FAIM: variants seen among roughly 807,000 people sequenced by gnomAD.
The protein encoded by FAIM is fas apoptotic inhibitory molecule 1.
FAIM carries 14 observed loss-of-function variants against 21.2 expected under a neutral mutation model. The ratio of observed to expected loss-of-function variants is 0.66; its 90% CI spans 0.44 to 1.03. FAIM has a LOEUF of 1.03. Among genes scored for constraint, FAIM ranks in the 50% least tolerant of loss-of-function variants. The probability of loss-of-function intolerance (pLI) is 0.00; values close to 1 mark genes in which losing one functional copy is unlikely to be tolerated. For synonymous variants in FAIM, 86 were observed against 80.4 expected (o/e 1.07, Z -0.37); for missense variants, 222 against 247.1 (o/e 0.90, Z 0.68).
At chr3:138,611,698 G>C (rs1263636182) in intron 1 of FAIM, among the ~76,000 whole-genome samples, 2 of 152,072 alleles carry the variant, frequency 1.3e-5, no homozygotes, top group African/African-American at 4.8e-5. Flanking sequence ...GAGGTGAATG[G>C]GTTTTTGCTC....
intron 1 of FAIM, among the ~76,000 whole-genome samples, chr3:138,612,691 A>G (rs552042924): frequency 2.0e-5 from 3 of 152,322 alleles, no homozygotes; most frequent in Non-Finnish European, 2.9e-5. Context: ...TTTTGAGTGC[A>G]TTCCTAGCAG....
At position 138,611,794 on chromosome 3, in the gene FAIM, T is replaced by C. The variant is rs549580329; in HGVS notation, c.-17+2857T>C. 1.1e-4 allele frequency among the ~76,000 whole-genome samples: 17 copies of C among 152,350 alleles called. No homozygotes were observed. The South Asian group carries it at 3.5e-3, about 32-fold the overall frequency. ...GCTTTCTCTCTGGTCACATGCTCTCTACACAGCCAGCTCTCCTTTGCCTTC... is the reference window on the plus strand; with the variant it reads ...GCTTTCTCTCTGGTCACATGCTCTCCACACAGCCAGCTCTCCTTTGCCTTC... On this transcript the variant is annotated intron_variant, in intron 1 of 5. Transcript: ENST00000360570.
intron 1 of FAIM, among the ~76,000 whole-genome samples, chr3:138,609,533 A>ACTCTCTCTCCTCTCT (rs2042728694): frequency 3.0e-4 from 1 of 3,368 alleles, no homozygotes; most frequent in African/African-American, 9.3e-4. Flanking sequence ...AAGTGCTGAA[A>ACTCTCTCTCCTCTCT]CTCTCTCTCT....
At chr3:138,610,998 A>T in intron 1 of FAIM, 1 of 1,613,934 alleles carries the variant, frequency 6.2e-7, no homozygotes, top group Non-Finnish European at 8.5e-7. Flanking sequence ...CTGTTGTGCT[A>T]TAATCATCTC....
At chr3:138,627,470 C>T (rs1433850317) in intron 4 of FAIM, among the ~76,000 whole-genome samples, 1 of 152,146 alleles carries the variant, frequency 6.6e-6, no homozygotes, top group East Asian at 1.9e-4. Context: ...CATGAGCCAC[C>T]GTGCCTGGCC....
rs550769668 is a variant in FAIM, at chr3:138,632,560, C to T, written c.457-370C>T. ...CCATCCCTGGCTGGATGCAGTGGCT[C>T]ACACCTGTAATCCCAGCACTGTGGG... On this transcript the variant is annotated intron_variant, in intron 5 of 5. Transcript: ENST00000360570. Among the ~76,000 whole-genome samples, 97 of 152,250 alleles carry T rather than the reference C, an allele frequency of 6.4e-4. 1 individual carries two copies. The highest frequency in any genetic ancestry group is 2.3e-3 in the African/African-American group (94 of 41,548).
chr3:138,621,387 G>GC lies in FAIM; in HGVS notation c.45-19dup. On this transcript the variant is annotated intron_variant, in intron 2 of 5. Transcript: ENST00000360570. ...ATTAGTATTTTGGCCTACTATAATTGCTTTATTTTATTCCTTTAGCCCTCC... is the reference window on the plus strand; with the variant it reads ...ATTAGTATTTTGGCCTACTATAATTGCCTTTATTTTATTCCTTTAGCCCTCC... The GC allele has an allele frequency of 6.2e-7, 1 of 1,611,234 alleles. No homozygotes were observed. The highest frequency in any genetic ancestry group is 8.5e-7 in the Non-Finnish European group (1 of 1,178,868).
intron 5 of FAIM, chr3:138,630,521 G>T (rs2042994616): frequency 6.6e-6 from 1 of 152,190 alleles, no homozygotes; most frequent in Non-Finnish European, 1.5e-5. Flanking sequence ...TCTGAGTCCT[G>T]AAGAATTTAA....
chr3:138,612,322 C>T lies in FAIM; in HGVS notation c.-17+3385C>T, dbSNP rs1035657042. Among the ~76,000 whole-genome samples the T allele has an allele frequency of 5.3e-5, 8 of 152,122 alleles. No homozygotes were observed. The South Asian group carries it at 1.0e-3, about 20-fold the overall frequency. Reference sequence around the variant, plus strand: ...TTCACCGTGTTAGCCAGGATGGTCTCGAACTCCTGACCTCGTGATCCGCCC... The same window carrying T: ...TTCACCGTGTTAGCCAGGATGGTCTTGAACTCCTGACCTCGTGATCCGCCC... On this transcript the variant is annotated intron_variant, in intron 1 of 5. Coordinates refer to ENST00000360570, the MANE Select transcript of FAIM (RefSeq NM_001033031.2).
At position 138,622,251 on chromosome 3, in the gene FAIM, G is replaced by A; in HGVS notation, c.241G>A (p.Ala81Thr). The A allele has an allele frequency of 6.2e-7, 1 of 1,613,738 alleles. No individual in the cohort carries two copies. Among genetic ancestry groups the A allele is most frequent in the East Asian group, 2.2e-5 (1 of 44,832 alleles). The change falls in exon 4 of 6, where the codon GCA (alanine) becomes ACA (threonine). Residue 81 changes from alanine (A) to threonine (T), a missense_variant. Ala to Thr is a moderately conservative substitution (Grantham distance 58). Transcript: ENST00000360570. ...VGKETFYVGA[A>T]KTKATINIDA... The stretch of plus-strand genomic sequence containing the variant: ...CAAAGAAACATTCTATGTTGGAGCT[G>A]CAAAGACAAAAGCGACCATAAATAT...
At chr3:138,609,603 T>TCCCTCCCTCTCCCTCTCTCTC (rs2042743629) in intron 1 of FAIM, among the ~76,000 whole-genome samples, 1 of 84,814 alleles carries the variant, frequency 1.2e-5, no homozygotes, top group African/African-American at 5.5e-5. Context: ...ACTCTCTCTC[T>TCCCTCCCTCTCCCTCTCTCTC]CTCTCTCTCG....
chr3:138,612,245 C>T (rs554147715), intron 1 of FAIM, among the ~76,000 whole-genome samples: 3 of 152,124 alleles, frequency 2.0e-5, no homozygotes, highest in Admixed American at 6.5e-5. Flanking sequence ...GGACTACAGG[C>T]GCCCGCCACC....
intron 4 of FAIM, 130 bp downstream of exon 4, chr3:138,622,546 T>G: frequency 1.5e-6 from 1 of 659,316 alleles, no homozygotes; most frequent in Non-Finnish European, 2.5e-6. Context: ...TGTATTTCAT[T>G]TGTTTAGAAA....
intron 2 of FAIM, chr3:138,621,137 T>G (rs1443601398): frequency 2.6e-6 from 1 of 383,924 alleles, no homozygotes; most frequent in African/African-American, 2.1e-5. Context: ...CAGGATAAAC[T>G]GATGCATTCT....
intron 1 of FAIM, among the ~76,000 whole-genome samples, chr3:138,618,174 T>C (rs1005936459): frequency 2.0e-5 from 3 of 151,810 alleles, no homozygotes; most frequent in African/African-American, 7.3e-5. Context: ...TGTATTCTTT[T>C]TGTTTTTATT....
In FAIM at chr3:138,633,229, A is replaced by G. The variant is rs893272791; in HGVS notation, c.*150A>G. 1 of 581,378 alleles carries G rather than the reference A, an allele frequency of 1.7e-6. No individual in the cohort carries two copies. The highest frequency in any genetic ancestry group is 2.7e-6 in the Non-Finnish European group (1 of 372,814). The allele number at this position is 581,378 out of a possible 1,614,324, so 36.0% of individuals were successfully genotyped here. A position where few individuals can be genotyped will look rare whatever the true frequency, so the allele number is the denominator to read the frequency against. ...AACTAACATTCCAAGGGTCAGGAAA[A>G]AAACCAATTATGTATAGTCATAAAA... is the stretch of plus-strand genomic sequence containing the variant. On this transcript the variant is annotated 3_prime_UTR_variant, in exon 6 of 6. Transcript: ENST00000360570.
chr3:138,614,540 C>T lies in FAIM; in HGVS notation c.-16-5171C>T, dbSNP rs10804658. Among the ~76,000 whole-genome samples the T allele has an allele frequency of 3.3e-5, 5 of 152,150 alleles. No individual in the cohort carries two copies. In the South Asian group the frequency reaches 6.2e-4, roughly 19 times the overall value. On this transcript the variant is annotated intron_variant, in intron 1 of 5. Coordinates refer to ENST00000360570, the MANE Select transcript of FAIM (RefSeq NM_001033031.2). Reference sequence around the variant, plus strand: ...CAAATGTTGAATGGAAAAACTGAAGCCTGGACATTTATCATAAGAAAACTT... The same window carrying T: ...CAAATGTTGAATGGAAAAACTGAAGTCTGGACATTTATCATAAGAAAACTT...
chr3:138,614,424 G>C lies in FAIM; in HGVS notation c.-16-5287G>C, dbSNP rs1045088735. Among the ~76,000 whole-genome samples the C allele has an allele frequency of 9.9e-5, 15 of 151,718 alleles. No homozygotes were observed. In the South Asian group the frequency reaches 2.9e-3, roughly 30 times the overall value. ...CACTGCACTCCAGCCTGGATGACTA[G>C]AGTGAGACCCTATCTCAAAAAACAA... On this transcript the variant is annotated intron_variant, in intron 1 of 5. Coordinates refer to ENST00000360570, the MANE Select transcript of FAIM (RefSeq NM_001033031.2).
chr3:138,630,239 G>A (rs1165392108), intron 5 of FAIM: 1 of 152,160 alleles, frequency 6.6e-6, no homozygotes. Context: ...AAGGAGGTCT[G>A]GGATTAATTC....
Sources: gnomAD v4.1 joint callset for allele counts (sites outside exome capture counted in the v4.1 genomes callset) on GRCh38, gnomAD v4.1.1 for gene constraint, MANE v1.5 for transcripts, NCBI Gene and HGNC (gene_info 2026-07-23, HGNC 2026-07-21) for gene names.